RILPL1: variants seen among roughly 807,000 people sequenced by gnomAD.
RILPL1 encodes RILP-like protein 1.
Under a neutral mutation model 50.3 loss-of-function variants are expected in RILPL1, and 33 were observed. The observed-to-expected ratio is 0.66, with a 90% confidence interval of 0.50 to 0.88. The LOEUF (loss-of-function observed/expected upper bound fraction) is 0.88, where lower values mean the gene tolerates loss of function less well. Among genes scored for constraint, RILPL1 ranks in the 40% least tolerant of loss-of-function variants. The probability of loss-of-function intolerance (pLI) is 0.00; values close to 1 mark genes in which losing one functional copy is unlikely to be tolerated. For missense variants in RILPL1, 418 were observed against 542.5 expected (o/e 0.77, Z 2.28); for synonymous variants, 205 against 228.6 (o/e 0.90, Z 0.93).
chr12:123,480,805 CCGTATTTCT>C (rs1881928299), intron 6 of RILPL1, among the ~76,000 whole-genome samples: 1 of 152,124 alleles, frequency 6.6e-6, no homozygotes, highest in African/African-American at 2.4e-5. Flanking sequence ...CGTGGGCACC[CCGTATTTCT>C]GTCTATCTAG....
intron 6 of RILPL1, among the ~76,000 whole-genome samples, chr12:123,477,585 C>G (rs867291977): frequency 6.6e-6 from 1 of 152,064 alleles, no homozygotes; most frequent in East Asian, 1.9e-4. Flanking sequence ...GTGATCCACC[C>G]GCCTTGGCCT....
Position 123,472,595 on chromosome 12 carries a change from GT to G in RILPL1, c.1154del (p.Asn385ThrfsTer57). ...HIQESFGQWA[N>X]THRDDGYTEQ... ...CTGTGTAACCGTCATCGCGGTGGGT[GT>G]TTGCCCACTGTCCAAAGGACTCCTG... On this transcript the variant is annotated frameshift_variant, in exon 7 of 7. Coordinates refer to ENST00000376874, the MANE Select transcript of RILPL1 (RefSeq NM_178314.5). LOFTEE classifies it high-confidence loss of function. 1 of 1,568,022 alleles carries G rather than the reference GT, an allele frequency of 6.4e-7. No homozygotes were observed. Among genetic ancestry groups the G allele is most frequent in the Non-Finnish European group, 8.6e-7 (1 of 1,156,080 alleles).
At chr12:123,526,767 G>C (rs1488107003) in intron 1 of RILPL1, among the ~76,000 whole-genome samples, 1 of 152,198 alleles carries the variant, frequency 6.6e-6, no homozygotes, top group African/African-American at 2.4e-5. Flanking sequence ...GTGAAGGGCA[G>C]GGCCGGGGTG....
intron 2 of RILPL1, among the ~76,000 whole-genome samples, chr12:123,520,217 G>A (rs1005290567): frequency 2.0e-5 from 3 of 152,206 alleles, no homozygotes; most frequent in African/African-American, 4.8e-5. Context: ...GTGGGCAAAC[G>A]ACATGCAGTA....
At chr12:123,499,901 C>T (rs567079841) in intron 2 of RILPL1, among the ~76,000 whole-genome samples, 3 of 151,916 alleles carry the variant, frequency 2.0e-5, no homozygotes, top group African/African-American at 2.4e-5. Context: ...CTCATTCATT[C>T]GCTTCTCTCC....
At chr12:123,507,673 G>A (rs1191879795) in intron 2 of RILPL1, among the ~76,000 whole-genome samples, 1 of 152,108 alleles carries the variant, frequency 6.6e-6, no homozygotes, top group Admixed American at 6.6e-5. Context: ...CGTGCACGGT[G>A]GCTCACGCCT....
At chr12:123,521,637 ATGTG>A (rs545603670) in intron 2 of RILPL1, among the ~76,000 whole-genome samples, 187 of 17,470 alleles carry the variant, frequency 0.011, 2 homozygotes, top group African/African-American at 0.021. Flanking sequence ...ATACACACAT[ATGTG>A]TATATATATA....
intron 2 of RILPL1, among the ~76,000 whole-genome samples, chr12:123,520,261 G>A (rs533667152): frequency 6.6e-6 from 1 of 152,166 alleles, no homozygotes; most frequent in Admixed American, 6.5e-5. Context: ...CAGACAATTC[G>A]GACATGAAAA....
Position 123,484,201 on chromosome 12 carries a change from G to A in RILPL1, c.1046C>T (p.Pro349Leu), listed in dbSNP as rs200694798. ...TTACAGTCGCTTGATGCCCGACTCC[G>A]GCTGGGGGGACGTCCTCGGGTGGGC... The part of the protein sequence containing the change: ...PIAHPRTSPQ[P>L]ESGIKRLFSF... The change falls in exon 6 of 7, where the codon CCG becomes CTG. Residue 349 changes from proline (P) to leucine (L), a missense_variant. Physicochemically the swap from Pro to Leu is moderately conservative, Grantham distance 98 (BLOSUM62 -3). Coordinates refer to ENST00000376874, the MANE Select transcript of RILPL1 (RefSeq NM_178314.5). 2.5e-5 allele frequency: 40 copies of A among 1,610,410 alleles called. No homozygotes were observed. In the Admixed American group the frequency reaches 3.5e-4, roughly 14 times the overall value.
At chr12:123,481,230 G>A (rs1881972404) in intron 6 of RILPL1, among the ~76,000 whole-genome samples, 1 of 152,036 alleles carries the variant, frequency 6.6e-6, no homozygotes, top group Non-Finnish European at 1.5e-5. Context: ...AGAGGCAGAT[G>A]CCTCTAATCC....
rs996281266 is a variant in RILPL1 at position 123,470,086 on chromosome 12, A to C, written c.*2452T>G. 1.3e-5 allele frequency: 2 copies of C among 152,150 alleles called. No individual in the cohort carries two copies. Among genetic ancestry groups the C allele is most frequent in the Non-Finnish European group, 2.9e-5 (2 of 68,028 alleles). 9.4% of individuals were successfully genotyped at this position (152,150 alleles called of 1,614,324 possible). ...TTTGTTCTTGATTTTATTTTACATA[A>C]TTGCATGTATAAACTTTCTGATGGA... On this transcript the variant is annotated 3_prime_UTR_variant, in exon 7 of 7. Coordinates refer to ENST00000376874, the MANE Select transcript of RILPL1 (RefSeq NM_178314.5).
At position 123,499,546 on chromosome 12, in the gene RILPL1, C is replaced by A. The variant is rs1883238950; in HGVS notation, c.461-10G>T. On this transcript the variant is annotated splice_polypyrimidine_tract_variant and intron_variant, in intron 2 of 6. Coordinates refer to ENST00000376874, the MANE Select transcript of RILPL1 (RefSeq NM_178314.5). Reference sequence around the variant, plus strand: ...TCCCGCTCTGACATGCCTGGGTGGGCAAGTGAGACCGGCAGGTGAGCCCGC... The same window carrying A: ...TCCCGCTCTGACATGCCTGGGTGGGAAAGTGAGACCGGCAGGTGAGCCCGC... 1 of 1,597,534 alleles carries A rather than the reference C, an allele frequency of 6.3e-7. No individual in the cohort carries two copies.
chr12:123,518,986 G>A (rs1884867280), intron 2 of RILPL1, among the ~76,000 whole-genome samples: 1 of 147,236 alleles, frequency 6.8e-6, no homozygotes, highest in African/African-American at 2.5e-5. Context: ...GAACCTGGGA[G>A]GTGGAGGTTG....
chr12:123,523,750 C>T lies in RILPL1; in HGVS notation c.310-105G>A. 2.2e-6 allele frequency: 3 copies of T among 1,352,060 alleles called. No homozygotes were observed. In the South Asian group the frequency reaches 4.0e-5, roughly 18 times the overall value. 83.8% of individuals were successfully genotyped at this position (1,352,060 alleles called of 1,614,324 possible). A position where few individuals can be genotyped will look rare whatever the true frequency, so the allele number is the denominator to read the frequency against. ...TTGGGTTGCTGGGACTTTGGGCCAT[C>T]CCCTTCCTCGTGAGAACTGGGCCGG... On this transcript the variant is annotated intron_variant, in intron 1 of 6. Transcript: ENST00000376874.
intron 2 of RILPL1, among the ~76,000 whole-genome samples, chr12:123,515,089 C>A (rs1437074457): frequency 6.6e-6 from 1 of 151,844 alleles, no homozygotes; most frequent in East Asian, 1.9e-4. Flanking sequence ...CACCACCATG[C>A]CCAGCTAATT....
At position 123,498,544 on chromosome 12, in the gene RILPL1, C is replaced by A. The variant is rs763193774; in HGVS notation, c.801G>T (p.Glu267Asp). ...EHSQNGEEEP[E>D]TEPVGEESIS... ...CCTCTGCACCCAGCTTCCTGCTCAC[C>A]TCAGGCTCCTCCTCCCCATTCTGGC... Residue 267 changes from glutamate to aspartate, a missense_variant and splice_region_variant, in exon 4 of 7, where the codon GAG becomes GAT. Coordinates refer to ENST00000376874, the MANE Select transcript of RILPL1 (RefSeq NM_178314.5). This position sits in a 1 kb window ranked among gnomAD's most constrained non-coding sequence, Gnocchi z 4.3. 1 of 1,613,052 alleles carries A rather than the reference C, an allele frequency of 6.2e-7. No homozygotes were observed. Among genetic ancestry groups the A allele is most frequent in the Non-Finnish European group, 8.5e-7 (1 of 1,179,734 alleles).
At position 123,498,208 on chromosome 12, in the gene RILPL1, T is replaced by A. The variant is rs1015173241; in HGVS notation, c.801+336A>T. 3.5e-5 allele frequency among the ~76,000 whole-genome samples: 5 copies of A among 142,882 alleles called. No individual in the cohort carries two copies. The East Asian group carries it at 9.9e-4, about 28-fold the overall frequency. 93.7% of individuals were successfully genotyped at this position (142,882 alleles called of 152,430 possible). On this transcript the variant is annotated intron_variant, in intron 4 of 6. Transcript: ENST00000376874. The surrounding 1 kb of genome is among the most constrained non-coding windows in gnomAD (Gnocchi z 4.3). ...TGTTCTCTCTGAGCCTCTCGTTTTT[T>A]CTCTCTCTCTCTCTCTCTTTTTTTT...
chr12:123,521,661 GTA>G (rs1476936972), intron 2 of RILPL1, among the ~76,000 whole-genome samples: 2 of 37,948 alleles, frequency 5.3e-5, no homozygotes, highest in African/African-American at 1.0e-4. Flanking sequence ...ACACATATAT[GTA>G]TATATATAAA....
chr12:123,523,418 G>A (rs1159525764), intron 2 of RILPL1, 77 bp downstream of exon 2: 16 of 1,542,272 alleles, frequency 1.0e-5, no homozygotes, highest in Non-Finnish European at 1.4e-5. Flanking sequence ...GTCCAGGGGT[G>A]GTGGCGACAA....
Sources: allele counts gnomAD v4.1 joint callset (sites outside exome capture counted in the v4.1 genomes callset), GRCh38; gene constraint gnomAD v4.1.1; non-coding constraint Gnocchi (gnomAD v3.1); transcripts MANE v1.5; gene names NCBI Gene and HGNC (gene_info 2026-07-23, HGNC 2026-07-21).